The following STAU2 variants were observed in gnomAD, a reference collection of about 807,000 sequenced individuals.
STAU2 encodes the protein double-stranded RNA-binding protein Staufen homolog 2.
Under a neutral mutation model 65.9 loss-of-function variants are expected in STAU2, and 20 were observed. The observed-to-expected ratio is 0.30, with a 90% confidence interval of 0.21 to 0.44. The LOEUF (loss-of-function observed/expected upper bound fraction) is 0.44. Ranked by LOEUF, STAU2 falls within the 20% of genes least tolerant of loss-of-function variation. STAU2 has a pLI of 1.00. For missense variants in STAU2, 558 were observed against 683.9 expected, an observed-to-expected ratio of 0.82 and a Z score of 2.05; for synonymous variants, 232 against 233.9, an observed-to-expected ratio of 0.99 and a Z score of 0.07.
intron 1 of STAU2, among the ~76,000 whole-genome samples, chr8:73,740,291 TGTGC>T (rs763982183): frequency 2.0e-5 from 3 of 152,238 alleles, no homozygotes; most frequent in Non-Finnish European, 2.9e-5. Context: ...TCTGGTGCAA[TGTGC>T]TATGCAACAA....
At chr8:73,435,639 T>G (rs982253335) in intron 13 of STAU2, among the ~76,000 whole-genome samples, 6 of 151,954 alleles carry the variant, frequency 3.9e-5, no homozygotes, top group Non-Finnish European at 8.8e-5. Context: ...CCGAGAGAAA[T>G]GTTCCTGCCC....
chr8:73,711,383 G>A (rs1820890808), intron 3 of STAU2, among the ~76,000 whole-genome samples: 1 of 152,030 alleles, frequency 6.6e-6, no homozygotes. Flanking sequence ...AGACAGCACA[G>A]CCAATTTAAT....
At chr8:73,607,338 C>T (rs375664576) in intron 9 of STAU2, among the ~76,000 whole-genome samples, 1 of 152,110 alleles carries the variant, frequency 6.6e-6, no homozygotes, top group South Asian at 2.1e-4. Context: ...ATGTTTTATA[C>T]TCAAGTTGGG....
chr8:73,434,243 G>A (rs558333699), intron 13 of STAU2, among the ~76,000 whole-genome samples: 65 of 103,618 alleles, frequency 6.3e-4, no homozygotes, highest in Non-Finnish European at 9.8e-4. Flanking sequence ...CTCAACACAA[G>A]GAATGTGAGT....
chr8:73,467,405 G>A (rs941798348), intron 13 of STAU2, among the ~76,000 whole-genome samples: 25 of 152,090 alleles, frequency 1.6e-4, no homozygotes, highest in Non-Finnish European at 2.5e-4. Flanking sequence ...GGTGGCGGGC[G>A]CCTGTAGTCC....
chr8:73,447,645 G>A (rs1818546033), intron 13 of STAU2, among the ~76,000 whole-genome samples: 2 of 152,160 alleles, frequency 1.3e-5, no homozygotes, highest in Admixed American at 6.5e-5. Context: ...GAGAACAGGA[G>A]GGCAGCTGCA....
intron 13 of STAU2, among the ~76,000 whole-genome samples, chr8:73,470,118 C>G (rs1819905985): frequency 6.6e-6 from 1 of 152,148 alleles, no homozygotes; most frequent in Admixed American, 6.5e-5. Context: ...AGGATCAACT[C>G]TTCTTTACAC....
intron 13 of STAU2, among the ~76,000 whole-genome samples, chr8:73,503,626 T>C (rs1821884307): frequency 1.3e-5 from 2 of 152,102 alleles, no homozygotes; most frequent in South Asian, 4.1e-4. Context: ...GATAAATGAA[T>C]GACTAGCTGC....
chr8:73,711,834 C>T (rs1317192514), intron 3 of STAU2, among the ~76,000 whole-genome samples: 1 of 151,936 alleles, frequency 6.6e-6, no homozygotes, highest in Non-Finnish European at 1.5e-5. Context: ...GTCCAAGATC[C>T]CACTTTGATA....
intron 9 of STAU2, among the ~76,000 whole-genome samples, chr8:73,608,508 G>A (rs553316032): frequency 6.6e-6 from 1 of 151,730 alleles, no homozygotes; most frequent in East Asian, 1.9e-4. Flanking sequence ...TCAGGAGGCT[G>A]AGGAAGGCAG....
intron 11 of STAU2, among the ~76,000 whole-genome samples, chr8:73,593,577 G>GGCA (rs1169633846): frequency 6.6e-6 from 1 of 152,116 alleles, no homozygotes; most frequent in Admixed American, 6.6e-5. Context: ...ACATTATTCT[G>GGCA]AGTGTTTCTG....
chr8:73,714,155 A>T (rs1157401189), intron 3 of STAU2, among the ~76,000 whole-genome samples: 1 of 152,072 alleles, frequency 6.6e-6, no homozygotes, highest in South Asian at 2.1e-4. Flanking sequence ...CGCCCACCTC[A>T]GCCTCCCGAA....
intron 12 of STAU2, among the ~76,000 whole-genome samples, chr8:73,579,644 C>A (rs1809840971): frequency 6.6e-6 from 1 of 152,092 alleles, no homozygotes; most frequent in South Asian, 2.1e-4. Flanking sequence ...CATAAAATTG[C>A]CCTATGCTAA....
intron 12 of STAU2, among the ~76,000 whole-genome samples, chr8:73,565,366 G>T (rs764905474): frequency 5.3e-5 from 8 of 152,100 alleles, no homozygotes; most frequent in Non-Finnish European, 1.2e-4. Flanking sequence ...TGCCATGACT[G>T]TAAGCTTCCT....
At chr8:73,545,169 C>T (rs13275115) in intron 13 of STAU2, among the ~76,000 whole-genome samples, 52,528 of 151,988 alleles carry the variant, frequency 0.35, 10,487 homozygotes, top group Non-Finnish European at 0.45. Flanking sequence ...ATACTATCTA[C>T]CACCTATCTT....
chr8:73,526,624 G>C (rs564567817), intron 13 of STAU2, among the ~76,000 whole-genome samples: 2 of 152,120 alleles, frequency 1.3e-5, no homozygotes, highest in Non-Finnish European at 2.9e-5. Flanking sequence ...GTACATGAAT[G>C]GCTAATTTAG....
intron 13 of STAU2, among the ~76,000 whole-genome samples, chr8:73,480,359 C>T (rs1443978252): frequency 6.6e-6 from 1 of 152,126 alleles, no homozygotes; most frequent in Non-Finnish European, 1.5e-5. Context: ...AAGACATGAG[C>T]TTTTCTCTCA....
intron 13 of STAU2, among the ~76,000 whole-genome samples, chr8:73,478,159 GA>G (rs1820414888): frequency 1.3e-5 from 2 of 151,532 alleles, no homozygotes; most frequent in Non-Finnish European, 2.9e-5. Flanking sequence ...AACACTTACA[GA>G]TAAGGGCTAT....
Position 73,421,459 on chromosome 8 carries a change from G to C in STAU2, c.1626C>G (p.Ala542=). ...TGTCCGCTTTCTCTCTCAGATGCTT[G>C]GCTTGTCTGAAAGATTAATACATTA... ...NIEKGSLEKQ[A]KHLREKADNN... The change falls in exon 15 of 15, where the codon GCC becomes GCG. Residue 542 remains alanine, a synonymous_variant. Coordinates refer to ENST00000524300, the MANE Select transcript of STAU2 (RefSeq NM_001164380.2). 6.5e-7 allele frequency: 1 copy of C among 1,537,248 alleles called. No homozygotes were observed. The highest frequency in any genetic ancestry group is 8.7e-7 in the Non-Finnish European group (1 of 1,146,904).
Sources: gnomAD v4.1 joint callset for allele counts (sites outside exome capture counted in the v4.1 genomes callset) on GRCh38, gnomAD v4.1.1 for gene constraint, MANE v1.5 for transcripts, NCBI Gene and HGNC (gene_info 2026-07-23, HGNC 2026-07-21) for gene names.